Variants in THSD7B observed in about 807,000 individuals in gnomAD.
The protein encoded by THSD7B is thrombospondin type 1 domain containing 7B, also known as thrombospondin type-1 domain-containing protein 7B.
THSD7B carries 138 observed loss-of-function variants against 213.6 expected under a neutral mutation model. That is an observed-to-expected ratio of 0.65 (90% confidence interval 0.56 to 0.74). The LOEUF (loss-of-function observed/expected upper bound fraction) is 0.74, where lower values mean the gene tolerates loss of function less well. THSD7B is among the 30% of genes least tolerant of loss of function. The pLI is 0.00. For missense variants in THSD7B, 1,931 were observed against 1,991.5 expected (o/e 0.97, Z 0.58); for synonymous variants, 742 against 687.0 (o/e 1.08, Z -1.25).
At chr2:137,070,113 T>G (rs1360466912) in intron 3 of THSD7B, among the ~76,000 whole-genome samples, 1 of 151,942 alleles carries the variant, frequency 6.6e-6, no homozygotes, top group African/African-American at 2.4e-5. Context: ...CTCTACTGCT[T>G]GCAGATAACC....
At chr2:137,360,677 GC>G (rs1380518352) in intron 12 of THSD7B, among the ~76,000 whole-genome samples, 1 of 152,162 alleles carries the variant, frequency 6.6e-6, no homozygotes, top group Non-Finnish European at 1.5e-5. Context: ...CATTGCTGAG[GC>G]TTGAGTACAT....
At chr2:137,473,260 C>G (rs1170276772) in intron 15 of THSD7B, among the ~76,000 whole-genome samples, 1 of 151,936 alleles carries the variant, frequency 6.6e-6, no homozygotes, top group Non-Finnish European at 1.5e-5. Context: ...TGCTCTGTTG[C>G]CCAGGCTGGA....
chr2:137,447,626 G>A (rs991939456), intron 14 of THSD7B, among the ~76,000 whole-genome samples: 5 of 151,908 alleles, frequency 3.3e-5, no homozygotes, highest in African/African-American at 7.2e-5. Context: ...AGTCTTTTAC[G>A]AGTGTCTATT....
intron 27 of THSD7B, among the ~76,000 whole-genome samples, chr2:137,675,278 G>A (rs1683672020): frequency 6.8e-6 from 1 of 146,922 alleles, no homozygotes; most frequent in Non-Finnish European, 1.5e-5. Context: ...TGCTGTGACT[G>A]CCAAATGCCA....
chr2:136,919,762 G>T (rs978947453), intron 2 of THSD7B, among the ~76,000 whole-genome samples: 1 of 152,178 alleles, frequency 6.6e-6, no homozygotes, highest in African/African-American at 2.4e-5. Flanking sequence ...CCTACCAAGG[G>T]TGAGCCAGGT....
intron 2 of THSD7B, among the ~76,000 whole-genome samples, chr2:137,026,436 T>G (rs1369299753): frequency 6.6e-6 from 1 of 152,192 alleles, no homozygotes; most frequent in Non-Finnish European, 1.5e-5. Context: ...TGCACATGGC[T>G]TCTTGCTCGT....
chr2:137,164,698 C>T lies in THSD7B; in HGVS notation c.1525+4330C>T, dbSNP rs1240331331. 4.6e-5 allele frequency among the ~76,000 whole-genome samples: 7 copies of T among 152,182 alleles called. No individual in the cohort carries two copies. In the East Asian group the frequency reaches 1.4e-3, roughly 29 times the overall value. ...ATATACACCATAGAATACTATGCAG[C>T]CATAAAAAAGGGTGAATTCATATCC... On this transcript the variant is annotated intron_variant, in intron 6 of 27. Coordinates refer to ENST00000409968, the MANE Select transcript of THSD7B (RefSeq NM_001316349.2).
intron 27 of THSD7B, among the ~76,000 whole-genome samples, chr2:137,674,657 A>G (rs767927031): frequency 1.3e-5 from 2 of 152,214 alleles, no homozygotes; most frequent in Non-Finnish European, 2.9e-5. Flanking sequence ...AAAATTGGAG[A>G]GGACCTGGAA....
At chr2:136,800,745 T>C (rs1189982876) in intron 1 of THSD7B, among the ~76,000 whole-genome samples, 1 of 151,694 alleles carries the variant, frequency 6.6e-6, no homozygotes, top group Non-Finnish European at 1.5e-5. Flanking sequence ...CAAGCCTCTA[T>C]AGAAACTGTG....
chr2:136,801,107 C>T (rs1318235602), intron 1 of THSD7B, among the ~76,000 whole-genome samples: 1 of 151,954 alleles, frequency 6.6e-6, no homozygotes, highest in Non-Finnish European at 1.5e-5. Flanking sequence ...TCTTTGCCTT[C>T]ACAAATAATT....
chr2:137,191,412 T>C (rs1032272126), intron 7 of THSD7B, among the ~76,000 whole-genome samples: 10 of 152,076 alleles, frequency 6.6e-5, no homozygotes, highest in African/African-American at 2.4e-4. Flanking sequence ...AAGGCTCTGA[T>C]AGGAACAAAG....
At chr2:137,012,827 T>C (rs1434229642) in intron 2 of THSD7B, among the ~76,000 whole-genome samples, 1 of 152,242 alleles carries the variant, frequency 6.6e-6, no homozygotes. Context: ...CATGAACTTA[T>C]ACTTTGTCAA....
In THSD7B at chr2:137,441,809, GA is replaced by G. The variant is rs1279000822; in HGVS notation, c.2960-9032del. Among the ~76,000 whole-genome samples, 3 of 152,042 alleles carry G rather than the reference GA, an allele frequency of 2.0e-5. No homozygotes were observed. In the East Asian group the frequency reaches 5.8e-4, roughly 29 times the overall value. ...TTTACATGGAAATGAGCTGGAATGA[GA>G]AAAGGCACCCAAATTTGAAAATTAT... On this transcript the variant is annotated intron_variant, in intron 14 of 27. Transcript: ENST00000409968.
chr2:136,962,429 A>G (rs1351497105), intron 2 of THSD7B, among the ~76,000 whole-genome samples: 2 of 26,210 alleles, frequency 7.6e-5, no homozygotes, highest in Non-Finnish European at 2.6e-4. Flanking sequence ...TTTTTTTTTT[A>G]CAATATATGG....
At chr2:136,887,178 A>C (rs1683732841) in intron 2 of THSD7B, among the ~76,000 whole-genome samples, 3 of 152,224 alleles carry the variant, frequency 2.0e-5, no homozygotes, top group Admixed American at 2.0e-4. Flanking sequence ...CATCACCTCT[A>C]TCTAATTTCA....
intron 12 of THSD7B, among the ~76,000 whole-genome samples, chr2:137,315,585 C>CT (rs997052602): frequency 2.7e-4 from 41 of 150,218 alleles, no homozygotes; most frequent in Middle Eastern, 3.4e-3. Flanking sequence ...TCTCTATCAA[C>CT]TTTTTTTTTT....
chr2:136,942,930 G>A (rs1349827709), intron 2 of THSD7B, among the ~76,000 whole-genome samples: 2 of 152,166 alleles, frequency 1.3e-5, no homozygotes, highest in Non-Finnish European at 2.9e-5. Context: ...TCTTGTGCCT[G>A]TTTTCAAAGG....
chr2:137,339,456 T>A (rs1053649873), intron 12 of THSD7B, among the ~76,000 whole-genome samples: 1 of 151,914 alleles, frequency 6.6e-6, no homozygotes, highest in African/African-American at 2.4e-5. Context: ...AAGCACAGTA[T>A]TGTGAGGGGA....
intron 2 of THSD7B, among the ~76,000 whole-genome samples, chr2:137,030,019 T>C (rs1686633471): frequency 6.6e-6 from 1 of 152,176 alleles, no homozygotes; most frequent in African/African-American, 2.4e-5. Flanking sequence ...CACGCTGTTA[T>C]ATGAGAAGCA....
Sources: allele counts gnomAD v4.1 joint callset (sites outside exome capture counted in the v4.1 genomes callset), GRCh38; gene constraint gnomAD v4.1.1; transcripts MANE v1.5; gene names NCBI Gene and HGNC (gene_info 2026-07-23, HGNC 2026-07-21).